FMN1: variants seen among roughly 807,000 people sequenced by gnomAD.
FMN1 encodes the protein formin 1, also known as formin-1.
In FMN1, 110 loss-of-function variants were observed where a neutral mutation model predicts 132.4. The observed-to-expected ratio is 0.83, with a 90% CI of 0.71 to 0.97. The LOEUF (loss-of-function observed/expected upper bound fraction) is 0.97, where lower values mean the gene tolerates loss of function less well. Ranked by LOEUF, FMN1 falls within the 50% of genes least tolerant of loss-of-function variation. The pLI is 0.00. For synonymous variants in FMN1, 722 were observed against 651.7 expected (o/e 1.11, Z -1.64); for missense variants, 1,792 against 1,705.3 (o/e 1.05, Z -0.90).
chr15:32,998,420 C>T (rs1445129921), intron 7 of FMN1, among the ~76,000 whole-genome samples: 1 of 152,170 alleles, frequency 6.6e-6, no homozygotes. Context: ...CCACTCTTTT[C>T]CCAGGCCAGA....
At position 32,798,832 on chromosome 15, in the gene FMN1, G is replaced by A. The variant is rs554779383; in HGVS notation, c.4102C>T (p.Arg1368Trp). 41 of 1,612,774 alleles carry A rather than the reference G, an allele frequency of 2.5e-5. No individual in the cohort carries two copies. The East Asian group carries it at 3.3e-4, about 13-fold the overall frequency. The change falls in exon 19 of 21, where the codon CGG becomes TGG. Residue 1368 changes from arginine to tryptophan, a missense_variant. By Grantham distance (101) the Arg-to-Trp change is moderately radical. Around this residue, in one of 3 missense-constraint regions of FMN1, gnomAD observed 1,150 missense variants for 1,043.1 expected, o/e 1.10. Transcript: ENST00000616417. ...FCSDFKTIWK[R>W]ESKNISKERL... ...TCTTTAGATATGTTTTTACTCTCCC[G>A]TTTCCAAATTGTCTTGAAGTCACTG...
intron 12 of FMN1, among the ~76,000 whole-genome samples, chr15:32,907,520 C>A (rs58070863): frequency 6.6e-6 from 1 of 151,830 alleles, no homozygotes; most frequent in South Asian, 2.1e-4. Context: ...AGGCCATGGG[C>A]TGGTACCAGT....
At chr15:32,824,224 C>T (rs16959182) in intron 17 of FMN1, among the ~76,000 whole-genome samples, 27,557 of 152,122 alleles carry the variant, frequency 0.18, 2,949 homozygotes, top group East Asian at 0.51. Context: ...AAAAGCAACA[C>T]GTCCCATTTC....
intron 10 of FMN1, among the ~76,000 whole-genome samples, chr15:32,924,460 G>T (rs2060907978): frequency 6.6e-6 from 1 of 152,188 alleles, no homozygotes; most frequent in Non-Finnish European, 1.5e-5. Flanking sequence ...CAGGACCTAT[G>T]GGTATTCTGC....
intron 20 of FMN1, 22 bp downstream of exon 20, chr15:32,776,813 T>C: frequency 3.5e-6 from 5 of 1,448,288 alleles, no homozygotes; most frequent in Non-Finnish European, 4.8e-6. Context: ...ATCGTTAGAT[T>C]ATGTTGAAAA....
intron 4 of FMN1, among the ~76,000 whole-genome samples, chr15:33,110,974 G>A (rs1595493883): frequency 1.3e-5 from 2 of 152,168 alleles, no homozygotes; most frequent in Admixed American, 1.3e-4. Context: ...ATTATTCCGA[G>A]TAAATGAGTT....
chr15:32,929,366 C>G (rs1287710735), intron 9 of FMN1, among the ~76,000 whole-genome samples: 3 of 152,230 alleles, frequency 2.0e-5, no homozygotes, highest in African/African-American at 4.8e-5. Context: ...CCTAAATCCT[C>G]TTAGTCTCTT....
intron 4 of FMN1, among the ~76,000 whole-genome samples, chr15:33,104,675 T>C (rs1319901515): frequency 6.6e-6 from 1 of 152,116 alleles, no homozygotes; most frequent in African/African-American, 2.4e-5. Context: ...GTTTTCCACC[T>C]AATGTAATTC....
chr15:32,805,377 T>TGAG (rs1305111524), intron 17 of FMN1, among the ~76,000 whole-genome samples: 47 of 152,314 alleles, frequency 3.1e-4, no homozygotes, highest in African/African-American at 1.1e-3. Flanking sequence ...TAAATTTGTT[T>TGAG]TTCTTTGTGG....
At chr15:32,984,396 A>G (rs577542343) in intron 7 of FMN1, among the ~76,000 whole-genome samples, 1 of 152,214 alleles carries the variant, frequency 6.6e-6, no homozygotes, top group Non-Finnish European at 1.5e-5. Flanking sequence ...AGGGTCTCCA[A>G]GACAGATAAG....
At chr15:33,016,252 T>C (rs74014143) in intron 6 of FMN1, among the ~76,000 whole-genome samples, 2,081 of 152,312 alleles carry the variant, frequency 0.014, 49 homozygotes, top group African/African-American at 0.048. Context: ...AACTCATCCG[T>C]GAGTGAATGC....
chr15:32,935,905 C>G (rs950924292), intron 9 of FMN1, among the ~76,000 whole-genome samples: 1 of 152,134 alleles, frequency 6.6e-6, no homozygotes, highest in African/African-American at 2.4e-5. Context: ...GGATTACAGG[C>G]GTGAGCCACC....
At chr15:33,050,414 A>C (rs1166360729) in intron 6 of FMN1, among the ~76,000 whole-genome samples, 1 of 152,138 alleles carries the variant, frequency 6.6e-6, no homozygotes, top group East Asian at 1.9e-4. Context: ...AATACATAGA[A>C]AGCTTCTTCA....
chr15:32,922,307 T>A (rs2060847679), intron 10 of FMN1, among the ~76,000 whole-genome samples: 1 of 152,198 alleles, frequency 6.6e-6, no homozygotes, highest in South Asian at 2.1e-4. Flanking sequence ...CCTATCTAGT[T>A]TAAGATTAAG....
At chr15:33,062,856 A>G (rs1356656599) in intron 6 of FMN1, 1 of 152,212 alleles carries the variant, frequency 6.6e-6, no homozygotes, top group East Asian at 1.9e-4. Flanking sequence ...ATCAGTAAAC[A>G]AATCCCTCAC....
At chr15:33,089,753 C>A (rs2038837748) in intron 4 of FMN1, among the ~76,000 whole-genome samples, 2 of 152,202 alleles carry the variant, frequency 1.3e-5, no homozygotes, top group Non-Finnish European at 2.9e-5. Context: ...TGAACCCAGG[C>A]AGTTAAACAA....
intron 4 of FMN1, among the ~76,000 whole-genome samples, chr15:33,119,607 TTTTA>T (rs1962361745): frequency 6.6e-6 from 1 of 151,714 alleles, no homozygotes; most frequent in African/African-American, 2.4e-5. Context: ...AAGAGCTTGC[TTTTA>T]TTTTCTTTCT....
At chr15:33,080,367 T>G (rs8039005) in intron 5 of FMN1, among the ~76,000 whole-genome samples, 45,384 of 152,106 alleles carry the variant, frequency 0.3, 7,532 homozygotes, top group Admixed American at 0.37. Context: ...GCCTACATTT[T>G]AAAGGTTTTA....
intron 17 of FMN1, among the ~76,000 whole-genome samples, chr15:32,854,573 A>C (rs1192372313): frequency 6.6e-6 from 1 of 152,162 alleles, no homozygotes; most frequent in Non-Finnish European, 1.5e-5. Flanking sequence ...TCATCTGTAA[A>C]GTAGGAGCTG....
Sources: allele counts gnomAD v4.1 joint callset (sites outside exome capture counted in the v4.1 genomes callset), GRCh38; gene constraint gnomAD v4.1.1; regional missense constraint gnomAD v4.1.1; transcripts MANE v1.5; gene names NCBI Gene and HGNC (gene_info 2026-07-23, HGNC 2026-07-21).